ROBO1: variants seen among roughly 807,000 people sequenced by gnomAD.
The protein encoded by ROBO1 is roundabout guidance receptor 1.
In ROBO1, 149 loss-of-function variants were observed where a neutral mutation model predicts 195.9. The ratio of observed to expected loss-of-function variants is 0.76; its 90% CI spans 0.67 to 0.87. The LOEUF (loss-of-function observed/expected upper bound fraction) is 0.87. Among genes scored for constraint, ROBO1 ranks in the 40% least tolerant of loss-of-function variants. The pLI, the probability that ROBO1 is intolerant of heterozygous loss-of-function variation, is 0.00. For synonymous variants in ROBO1, 816 were observed against 733.2 expected, an observed-to-expected ratio of 1.11 and a Z score of -1.82; for missense variants, 1,933 against 2,068.3, an observed-to-expected ratio of 0.93 and a Z score of 1.27.
chr3:79,094,430 T>C (rs1168924115), intron 3 of ROBO1, among the ~76,000 whole-genome samples: 1 of 152,122 alleles, frequency 6.6e-6, no homozygotes, highest in African/African-American at 2.4e-5. Context: ...AAGTACTGCA[T>C]GGACATCCTT....
chr3:79,083,333 A>C (rs571173694), intron 3 of ROBO1, among the ~76,000 whole-genome samples: 89 of 152,258 alleles, frequency 5.8e-4, no homozygotes, highest in African/African-American at 1.9e-3. Flanking sequence ...AATATTAAAT[A>C]TTTTGATATT....
intron 2 of ROBO1, among the ~76,000 whole-genome samples, chr3:79,209,706 G>A (rs1008503544): frequency 5.9e-5 from 9 of 151,954 alleles, no homozygotes; most frequent in Non-Finnish European, 1.0e-4. Context: ...AATCAAATGA[G>A]AGAAATAAAG....
intron 2 of ROBO1, among the ~76,000 whole-genome samples, chr3:79,311,619 C>T (rs1251724661): frequency 2.0e-5 from 3 of 152,062 alleles, no homozygotes; most frequent in Admixed American, 2.0e-4. Context: ...TTGAGGAAGA[C>T]AACTGAAATA....
chr3:78,978,204 G>A (rs1447834), intron 3 of ROBO1, among the ~76,000 whole-genome samples: 101,693 of 151,768 alleles, frequency 0.67, 34,260 homozygotes, highest in East Asian at 0.77. Flanking sequence ...AAAAAAACCA[G>A]TAAACATATA....
chr3:79,458,272 C>T (rs532394853), intron 2 of ROBO1, among the ~76,000 whole-genome samples: 4 of 152,196 alleles, frequency 2.6e-5, no homozygotes, highest in Admixed American at 1.3e-4. Context: ...AGAAGGTAGA[C>T]CTCACAACAA....
intron 1 of ROBO1, among the ~76,000 whole-genome samples, chr3:79,662,778 T>C (rs531715209): frequency 9.9e-5 from 15 of 152,160 alleles, no homozygotes; most frequent in African/African-American, 3.4e-4. Flanking sequence ...ATGAATAAAG[T>C]TGCAAAACTG....
intron 2 of ROBO1, among the ~76,000 whole-genome samples, chr3:79,473,623 T>G (rs1421547012): frequency 6.6e-6 from 1 of 152,156 alleles, no homozygotes; most frequent in East Asian, 1.9e-4. Flanking sequence ...TTTTCAGTGA[T>G]AGTCATGGAA....
Position 78,651,732 on chromosome 3 carries a change from C to T in ROBO1, c.2812G>A (p.Val938Ile), listed in dbSNP as rs1706671896. ...ATGAAAACCTTGGGAAAGCTAATACCTTTTCTGATACCCGCGTAGGTACTA... is the reference window on the plus strand; with the variant it reads ...ATGAAAACCTTGGGAAAGCTAATACTTTTTCTGATACCCGCGTAGGTACTA... ...LTSTYAGIRK[V>I]PSFTFTPTVT... The change falls in exon 19 of 31, where the codon GTC (valine) becomes ATC (isoleucine). Residue 938 changes from valine (V) to isoleucine (I), a missense_variant and splice_region_variant. By Grantham distance (29) the Val-to-Ile change is conservative (BLOSUM62 3). This residue lies in a region of ROBO1 where 1,737 missense variants were observed against 1,882.5 expected (regional missense o/e 0.92). Coordinates refer to ENST00000464233, the MANE Select transcript of ROBO1 (RefSeq NM_002941.4). 6.3e-7 allele frequency: 1 copy of T among 1,580,782 alleles called. No homozygotes were observed.
rs150357319 is a variant in ROBO1, at chr3:79,007,912, A to T, written c.173-68985T>A. 1.1e-3 allele frequency among the ~76,000 whole-genome samples: 163 copies of T among 152,304 alleles called. 1 individual carries two copies. Among genetic ancestry groups the T allele is most frequent in the Non-Finnish European group, 1.9e-3 (132 of 68,022 alleles). ...TTAGGTGACTGAAAGAATGAATGAGATTATTAAATAATGCTCTTTACAATA... is the reference window on the plus strand; with the variant it reads ...TTAGGTGACTGAAAGAATGAATGAGTTTATTAAATAATGCTCTTTACAATA... On this transcript the variant is annotated intron_variant, in intron 3 of 30. Transcript: ENST00000464233.
At chr3:79,269,382 A>G (rs753515383) in intron 2 of ROBO1, among the ~76,000 whole-genome samples, 1 of 151,756 alleles carries the variant, frequency 6.6e-6, no homozygotes, top group Non-Finnish European at 1.5e-5. Flanking sequence ...CTTACGCCAT[A>G]TAACTATTTG....
At chr3:78,926,149 G>A (rs1486729272) in intron 4 of ROBO1, among the ~76,000 whole-genome samples, 2 of 152,078 alleles carry the variant, frequency 1.3e-5, no homozygotes, top group Non-Finnish European at 2.9e-5. Flanking sequence ...GATTATAGGC[G>A]TGAGCCACCA....
chr3:79,432,655 T>G (rs528167513), intron 2 of ROBO1, among the ~76,000 whole-genome samples: 43 of 152,194 alleles, frequency 2.8e-4, no homozygotes, highest in Non-Finnish European at 5.3e-4. Flanking sequence ...AAGAGAGAGA[T>G]AGAGAGCAAG....
chr3:79,114,648 C>T (rs914774755), intron 3 of ROBO1, among the ~76,000 whole-genome samples: 4 of 152,100 alleles, frequency 2.6e-5, no homozygotes, highest in Non-Finnish European at 5.9e-5. Context: ...TAGGATTCTA[C>T]CTACTATTCT....
chr3:79,716,715 G>T, intron 1 of ROBO1, among the ~76,000 whole-genome samples: 1 of 151,992 alleles, frequency 6.6e-6, no homozygotes, highest in South Asian at 2.1e-4. Context: ...AGCTGCACAA[G>T]AAATGGAAGA....
chr3:78,768,526 T>A (rs1225984013), intron 4 of ROBO1, among the ~76,000 whole-genome samples: 4 of 152,094 alleles, frequency 2.6e-5, no homozygotes, highest in Non-Finnish European at 5.9e-5. Context: ...ATTATTAGCA[T>A]GGTTTGATGT....
At chr3:79,385,384 T>C (rs1353333171) in intron 2 of ROBO1, among the ~76,000 whole-genome samples, 1 of 152,080 alleles carries the variant, frequency 6.6e-6, no homozygotes, top group Admixed American at 6.6e-5. Flanking sequence ...CCATGGCGCC[T>C]GGAGCTGAAG....
chr3:79,046,829 C>A (rs932367776), intron 3 of ROBO1, among the ~76,000 whole-genome samples: 14 of 152,176 alleles, frequency 9.2e-5, no homozygotes, highest in Admixed American at 4.6e-4. Context: ...AGGATTAATA[C>A]TTTGTACTTC....
At chr3:78,739,643 T>C (rs559200249) in intron 5 of ROBO1, among the ~76,000 whole-genome samples, 90 of 152,304 alleles carry the variant, frequency 5.9e-4, no homozygotes, top group South Asian at 5.2e-3. Flanking sequence ...AGCTATAATA[T>C]TTGGCCAAAT....
chr3:78,688,869 TACA>T, intron 8 of ROBO1, 97 bp from the exon 9 acceptor site: 2 of 1,197,562 alleles, frequency 1.7e-6, no homozygotes, highest in East Asian at 2.9e-5. Context: ...TGTTATTTTA[TACA>T]ACATGTTATG....
Sources: allele counts gnomAD v4.1 joint callset (sites outside exome capture counted in the v4.1 genomes callset), GRCh38; gene constraint gnomAD v4.1.1; regional missense constraint gnomAD v4.1.1; transcripts MANE v1.5; gene names NCBI Gene and HGNC (gene_info 2026-07-23, HGNC 2026-07-21).